ARNT2: variants seen among roughly 807,000 people sequenced by gnomAD.
ARNT2 encodes the protein ARNT protein 2.
In ARNT2, 36 loss-of-function variants were observed where a neutral mutation model predicts 91.7. The observed-to-expected ratio is 0.39, with a 90% CI of 0.30 to 0.52. The LOEUF is 0.52. Ranked by LOEUF, ARNT2 falls within the 20% of genes least tolerant of loss-of-function variation. The pLI is 0.72. For missense variants in ARNT2, 775 were observed against 939.3 expected, an observed-to-expected ratio of 0.83 and a Z score of 2.29; for synonymous variants, 365 against 347.1, an observed-to-expected ratio of 1.05 and a Z score of -0.57.
Position 80,591,760 on chromosome 15 carries a change from T to C in ARNT2, c.2055+56T>C. The C allele has an allele frequency of 3.7e-6, 6 of 1,605,066 alleles. No individual in the cohort carries two copies. Among genetic ancestry groups the C allele is most frequent in the East Asian group, 2.2e-5 (1 of 44,686 alleles). On this transcript the variant is annotated intron_variant, in intron 18 of 18. Transcript: ENST00000303329. This position sits in a 1 kb window ranked among gnomAD's most constrained non-coding sequence, Gnocchi z 5.1. ...GTACCGGCGCCTTCTCTCTGCTTCCTTTCCCCCTCGGTCTCTGCCGCACCA... is the reference window on the plus strand; with the variant it reads ...GTACCGGCGCCTTCTCTCTGCTTCCCTTCCCCCTCGGTCTCTGCCGCACCA...
In ARNT2 at chr15:80,596,624, C is replaced by T. The variant is rs77300225; in HGVS notation, c.*2926C>T. The T allele has an allele frequency of 0.045, 6,901 of 153,980 alleles. 362 individuals carry two copies. The highest frequency in any genetic ancestry group is 0.12 in the African/African-American group (5,070 of 41,510). 9.5% of individuals were successfully genotyped at this position (153,980 alleles called of 1,614,324 possible). On this transcript the variant is annotated 3_prime_UTR_variant, in exon 19 of 19. Coordinates refer to ENST00000303329, the MANE Select transcript of ARNT2 (RefSeq NM_014862.4). ...CCTTCAGCCCATGCCCAGCAGATAC[C>T]TCTCTGACTGGAGACGGGCTCAAAG...
rs902307418 is a variant in ARNT2, at chr15:80,436,372, G to A, written c.32-14508G>A. ...TGAATAGACACTGCTTCCTGACCTC[G>A]GGGAGTTCCTCCTACCTGGGGAAAC... On this transcript the variant is annotated intron_variant, in intron 1 of 18. Coordinates refer to ENST00000303329, the MANE Select transcript of ARNT2 (RefSeq NM_014862.4). 10 of 154,552 alleles carry A rather than the reference G, an allele frequency of 6.5e-5. 1 individual carries two copies. The highest frequency in any genetic ancestry group is 2.9e-5 in the Non-Finnish European group (2 of 68,252). The allele number at this position is 154,552 out of a possible 1,614,324, so 9.6% of individuals were successfully genotyped here.
Position 80,435,076 on chromosome 15 carries a change from C to T in ARNT2, c.32-15804C>T, listed in dbSNP as rs1436488647. Among the ~76,000 whole-genome samples, 20 of 152,168 alleles carry T rather than the reference C, an allele frequency of 1.3e-4. 1 individual carries two copies. Among genetic ancestry groups the T allele is most frequent in the Admixed American group, 1.3e-3 (20 of 15,292 alleles). ...GTTGTCGCCTGTACCACTCTCCACG[C>T]TCACTGAAGCCCAGTTTCCAGGGAG... On this transcript the variant is annotated intron_variant, in intron 1 of 18. Coordinates refer to ENST00000303329, the MANE Select transcript of ARNT2 (RefSeq NM_014862.4).
At chr15:80,499,975 T>C (rs894009863) in intron 5 of ARNT2, among the ~76,000 whole-genome samples, 2 of 152,196 alleles carry the variant, frequency 1.3e-5, no homozygotes, top group Non-Finnish European at 2.9e-5. Flanking sequence ...AGAAAATGGT[T>C]TGGCTGCAAC....
At chr15:80,469,649 T>C (rs113012513) in intron 3 of ARNT2, among the ~76,000 whole-genome samples, 106 of 152,282 alleles carry the variant, frequency 7.0e-4, no homozygotes, top group Admixed American at 1.4e-3. Context: ...TACAGATTCA[T>C]GTGTGCACAG....
At chr15:80,551,380 G>A in intron 9 of ARNT2, 105 bp downstream of exon 9, 1 of 1,085,534 alleles carries the variant, frequency 9.2e-7, no homozygotes, top group Non-Finnish European at 1.4e-6. Flanking sequence ...TGTGTTCTTG[G>A]TATTTGTTGG....
intron 8 of ARNT2, among the ~76,000 whole-genome samples, chr15:80,523,414 G>A (rs1566992870): frequency 6.6e-6 from 1 of 152,132 alleles, no homozygotes; most frequent in South Asian, 2.1e-4. Flanking sequence ...GCAGCCTTGT[G>A]GGGGCAGAGG....
intron 1 of ARNT2, chr15:80,442,887 T>A (rs778457853): frequency 2.0e-6 from 2 of 985,458 alleles, no homozygotes; most frequent in Non-Finnish European, 2.4e-6. Context: ...CTTTTTGGGA[T>A]CTGACGCCGA....
chr15:80,573,855 T>C (rs1483603582), intron 12 of ARNT2, among the ~76,000 whole-genome samples: 1 of 152,238 alleles, frequency 6.6e-6, no homozygotes, highest in Non-Finnish European at 1.5e-5. Context: ...CAACTGCTTT[T>C]CTGAATTTGC....
In ARNT2 at chr15:80,535,776, C is replaced by T. The variant is rs1373707876; in HGVS notation, c.878-15423C>T. The stretch of plus-strand genomic sequence containing the variant: ...AAATAAAAGGCCCCGGACATGCTTT[C>T]CTCTTTCTCTGTTTACTCAGAGCAC... On this transcript the variant is annotated intron_variant, in intron 8 of 18. Transcript: ENST00000303329. Among the ~76,000 whole-genome samples, 4 of 149,038 alleles carry T rather than the reference C, an allele frequency of 2.7e-5. No individual in the cohort carries two copies. The South Asian group carries it at 8.5e-4, about 32-fold the overall frequency.
At chr15:80,464,875 C>A (rs1486888395) in intron 3 of ARNT2, among the ~76,000 whole-genome samples, 1 of 152,152 alleles carries the variant, frequency 6.6e-6, no homozygotes, top group Non-Finnish European at 1.5e-5. Context: ...TAATACTGCA[C>A]CAGAGGCTCC....
intron 1 of ARNT2, among the ~76,000 whole-genome samples, chr15:80,417,368 T>C (rs1471588141): frequency 6.6e-6 from 1 of 152,186 alleles, no homozygotes; most frequent in Non-Finnish European, 1.5e-5. Context: ...AAAACAAATT[T>C]GCGTTTTACT....
At position 80,529,333 on chromosome 15, in the gene ARNT2, G is replaced by A. The variant is rs538110914; in HGVS notation, c.877+14928G>A. Among the ~76,000 whole-genome samples the A allele has an allele frequency of 2.0e-5, 3 of 152,302 alleles. No homozygotes were observed. The East Asian group carries it at 5.8e-4, about 29-fold the overall frequency. ...TCAAGTGGTATCACTTCACTCTGAT[G>A]AGCTGAAAGCACCTGGTATACTTCA... On this transcript the variant is annotated intron_variant, in intron 8 of 18. Transcript: ENST00000303329.
chr15:80,408,086 C>T (rs1895626995), intron 1 of ARNT2, among the ~76,000 whole-genome samples: 1 of 152,030 alleles, frequency 6.6e-6, no homozygotes, highest in South Asian at 2.1e-4. Flanking sequence ...GGATTTTTTC[C>T]CCACTTCCAG....
chr15:80,428,445 G>A (rs1233102366), intron 1 of ARNT2, among the ~76,000 whole-genome samples: 33 of 152,196 alleles, frequency 2.2e-4, no homozygotes, highest in Non-Finnish European at 2.1e-4. Context: ...TTCTGCCTGC[G>A]TTCTTATCCA....
intron 3 of ARNT2, among the ~76,000 whole-genome samples, chr15:80,458,612 GT>G (rs1316200554): frequency 2.0e-5 from 3 of 151,920 alleles, no homozygotes; most frequent in Admixed American, 6.6e-5. Flanking sequence ...ATGTCCATGG[GT>G]TATACACATT....
chr15:80,558,296 C>T (rs1187573517), intron 11 of ARNT2, among the ~76,000 whole-genome samples: 2 of 150,998 alleles, frequency 1.3e-5, no homozygotes, highest in Non-Finnish European at 2.9e-5. Flanking sequence ...CTTACCAGAA[C>T]CTGACCTCCC....
chr15:80,451,016 A>G, intron 2 of ARNT2, 22 bp downstream of exon 2: 2 of 1,602,918 alleles, frequency 1.2e-6, no homozygotes, highest in Non-Finnish European at 1.7e-6. Context: ...CAGCGTTTCC[A>G]GGAATTGGCT....
At chr15:80,530,904 T>C (rs1897728860) in intron 8 of ARNT2, among the ~76,000 whole-genome samples, 2 of 152,252 alleles carry the variant, frequency 1.3e-5, no homozygotes, top group Non-Finnish European at 2.9e-5. Context: ...ATTCTCCTCC[T>C]AGATAATTAT....
Sources: gnomAD v4.1 joint callset for allele counts (sites outside exome capture counted in the v4.1 genomes callset) on GRCh38, gnomAD v4.1.1 for gene constraint, Gnocchi (gnomAD v3.1) non-coding constraint, MANE v1.5 for transcripts, NCBI Gene and HGNC (gene_info 2026-07-23, HGNC 2026-07-21) for gene names.